Variants in TARBP1 observed in about 807,000 individuals in gnomAD.
TARBP1 encodes the protein tRNA (guanosine(18)-2'-O)-methyltransferase TARBP1.
Under a neutral mutation model 178.6 loss-of-function variants are expected in TARBP1, and 144 were observed. The observed-to-expected ratio is 0.81, with a 90% CI of 0.70 to 0.93. TARBP1 has a LOEUF of 0.93. Ranked by LOEUF, TARBP1 falls within the 40% of genes least tolerant of loss-of-function variation. The pLI, the probability that TARBP1 is intolerant of heterozygous loss-of-function variation, is 0.00. For synonymous variants in TARBP1, 787 were observed against 781.0 expected, an observed-to-expected ratio of 1.01 and a Z score of -0.13; for missense variants, 2,067 against 2,011.7, an observed-to-expected ratio of 1.03 and a Z score of -0.53.
At chr1:234,477,360 T>C (rs1051052615) in intron 1 of TARBP1, among the ~76,000 whole-genome samples, 18 of 152,396 alleles carry the variant, frequency 1.2e-4, no homozygotes, top group African/African-American at 3.8e-4. Flanking sequence ...CTTGAAAATA[T>C]AACCTCATAA....
intron 24 of TARBP1, 68 bp downstream of exon 24, chr1:234,405,835 C>T: frequency 1.4e-6 from 2 of 1,445,588 alleles, no homozygotes; most frequent in Non-Finnish European, 1.9e-6. Flanking sequence ...ACAGTATGGG[C>T]ACTGCCCCCT....
Position 234,450,522 on chromosome 1 carries a change from G to T in TARBP1, c.1767C>A (p.Ser589=), listed in dbSNP as rs753421895. ...GAAGTCCAATGGAGCTACACGTAGG[G>T]GATGGCTTAAAATAGCTTTCATTAA... The part of the protein sequence containing the change: ...LRVNESYFKP[S]PTCSSIGLHK... The change falls in exon 10 of 30, where the codon TCC becomes TCA. Residue 589 remains serine, a synonymous_variant. Transcript: ENST00000040877. 6.2e-7 allele frequency: 1 copy of T among 1,611,306 alleles called. No homozygotes were observed. The highest frequency in any genetic ancestry group is 1.1e-5 in the South Asian group (1 of 90,540).
intron 23 of TARBP1, 142 bp from the exon 24 acceptor site, chr1:234,406,241 T>C: frequency 1.4e-6 from 1 of 702,822 alleles, no homozygotes; most frequent in African/African-American, 1.8e-5. Flanking sequence ...GGGCCTCTCA[T>C]TCTTCCCTCC....
intron 24 of TARBP1, among the ~76,000 whole-genome samples, chr1:234,402,528 CT>C (rs1178399966): frequency 1.3e-5 from 2 of 152,000 alleles, no homozygotes; most frequent in Non-Finnish European, 2.9e-5. Context: ...ACCTACCACT[CT>C]GATGTAATAT....
At chr1:234,459,811 C>CAA (rs879670903) in intron 7 of TARBP1, among the ~76,000 whole-genome samples, 1 of 133,818 alleles carries the variant, frequency 7.5e-6, no homozygotes, top group Admixed American at 7.5e-5. Flanking sequence ...GACTCCAGCT[C>CAA]AAAAAAAAAA....
intron 20 of TARBP1, among the ~76,000 whole-genome samples, chr1:234,425,054 T>C (rs1572278498): frequency 7.5e-6 from 1 of 133,544 alleles, no homozygotes. Context: ...AGAGCGAAAC[T>C]CCGTCTCAAA....
At chr1:234,464,422 C>A (rs1668222068) in intron 5 of TARBP1, among the ~76,000 whole-genome samples, 1 of 152,108 alleles carries the variant, frequency 6.6e-6, no homozygotes, top group Non-Finnish European at 1.5e-5. Flanking sequence ...CTGCTATATG[C>A]TTCTTCCAGG....
intron 12 of TARBP1, among the ~76,000 whole-genome samples, chr1:234,444,176 A>T (rs1191679747): frequency 2.0e-5 from 3 of 152,170 alleles, no homozygotes; most frequent in Admixed American, 2.0e-4. Context: ...CGTCAGGAAG[A>T]AAAGTTCCAA....
intron 4 of TARBP1, 89 bp from the exon 5 acceptor site, chr1:234,465,797 C>A (rs935956035): frequency 1.6e-4 from 196 of 1,227,644 alleles, no homozygotes; most frequent in South Asian, 5.9e-4. Flanking sequence ...ACATCCTACA[C>A]AGGCTTACAG....
chr1:234,410,675 G>A, intron 22 of TARBP1, 144 bp from the exon 23 acceptor site: 2 of 571,878 alleles, frequency 3.5e-6, no homozygotes, highest in Non-Finnish European at 6.4e-6. Flanking sequence ...GTGGGAAGGG[G>A]GCTGCGGCAA....
intron 6 of TARBP1, among the ~76,000 whole-genome samples, chr1:234,462,528 A>G (rs746711897): frequency 1.3e-5 from 2 of 152,228 alleles, no homozygotes; most frequent in Non-Finnish European, 1.5e-5. Flanking sequence ...GTCTCTACTA[A>G]GAATACAAAA....
intron 24 of TARBP1, 53 bp from the exon 25 acceptor site, chr1:234,401,315 A>AG: frequency 1.1e-5 from 15 of 1,379,336 alleles, no homozygotes; most frequent in Non-Finnish European, 1.5e-5. Context: ...AACTCTGGTG[A>AG]GGGGAGAATC....
At chr1:234,393,317 C>T (rs774947919) in intron 28 of TARBP1, 45 bp downstream of exon 28, 7 of 1,410,158 alleles carry the variant, frequency 5.0e-6, no homozygotes, top group East Asian at 2.3e-5. Context: ...GGTACATGTG[C>T]GGGCTTGTTT....
rs754357411 is a variant in TARBP1, at chr1:234,393,675, G to A, written c.4406C>T (p.Ser1469Leu). 6.8e-6 allele frequency: 11 copies of A among 1,613,270 alleles called. No homozygotes were observed. Among genetic ancestry groups the A allele is most frequent in the East Asian group, 4.5e-5 (2 of 44,880 alleles). ...TAAATTGGTCGGTTTGTCGATGAGC[G>A]AGGCCACAACGATGAGTCTACTAAT... ...KSISRLIVVA[S>L]LIDKPTNLGG... Residue 1469 changes from serine to leucine, a missense_variant, in exon 27 of 30, where the codon TCG becomes TTG. Coordinates refer to ENST00000040877, the MANE Select transcript of TARBP1 (RefSeq NM_005646.4).
At chr1:234,449,100 A>C (rs1034720169) in intron 10 of TARBP1, among the ~76,000 whole-genome samples, 23 of 152,042 alleles carry the variant, frequency 1.5e-4, no homozygotes, top group African/African-American at 5.1e-4. Context: ...TAGCAGAAGA[A>C]GGCATACCAT....
At chr1:234,395,041 T>C (rs758233905) in intron 26 of TARBP1, among the ~76,000 whole-genome samples, 2 of 151,440 alleles carry the variant, frequency 1.3e-5, no homozygotes, top group African/African-American at 4.8e-5. Context: ...CTGGCCAACA[T>C]AGCGAAACCC....
At position 234,450,444 on chromosome 1, in the gene TARBP1, C is replaced by G; in HGVS notation, c.1845G>C (p.Lys615Asn). The G allele has an allele frequency of 6.3e-7, 1 of 1,593,680 alleles. No individual in the cohort carries two copies. Among genetic ancestry groups the G allele is most frequent in the Non-Finnish European group, 8.5e-7 (1 of 1,173,632 alleles). The change falls in exon 10 of 30, where the codon AAG (lysine) becomes AAC (asparagine). Residue 615 changes from lysine to asparagine, a missense_variant. Coordinates refer to ENST00000040877, the MANE Select transcript of TARBP1 (RefSeq NM_005646.4). Reference sequence around the variant, plus strand: ...CAGACTTACTTTCCCAAGCAGATGACTTAACATACTCTTGAACAATGCTCT... The same window carrying G: ...CAGACTTACTTTCCCAAGCAGATGAGTTAACATACTCTTGAACAATGCTCT... ...YVKSIVQEYVKSSAWETGENC... is the reference protein window; with the variant it reads ...YVKSIVQEYVNSSAWETGENC...
At chr1:234,413,816 C>T (rs2103074793) in intron 22 of TARBP1, among the ~76,000 whole-genome samples, 1 of 152,224 alleles carries the variant, frequency 6.6e-6, no homozygotes, top group Middle Eastern at 3.4e-3. Flanking sequence ...ATGACAGTAG[C>T]GTCGACTGAG....
rs1205033884 is a variant in TARBP1, at chr1:234,425,801, A to T, written c.3324-8T>A. Reference sequence around the variant, plus strand: ...TGGTCTTCTCTCTTAGTACTAAAAAAATTAAATGATAAATTATGTTAATAC... The same window carrying T: ...TGGTCTTCTCTCTTAGTACTAAAAATATTAAATGATAAATTATGTTAATAC... On this transcript the variant is annotated splice_region_variant and splice_polypyrimidine_tract_variant and intron_variant, in intron 19 of 29. Transcript: ENST00000040877. 1.3e-6 allele frequency: 2 copies of T among 1,529,192 alleles called. No individual in the cohort carries two copies. The highest frequency in any genetic ancestry group is 8.9e-7 in the Non-Finnish European group (1 of 1,124,766). The allele number at this position is 1,529,192 out of a possible 1,614,324, so 94.7% of individuals were successfully genotyped here.
Sources: allele counts gnomAD v4.1 joint callset (sites outside exome capture counted in the v4.1 genomes callset), GRCh38; gene constraint gnomAD v4.1.1; transcripts MANE v1.5; gene names NCBI Gene and HGNC (gene_info 2026-07-23, HGNC 2026-07-21).